TPCN1: variants seen among roughly 807,000 people sequenced by gnomAD.
The protein encoded by TPCN1 is two pore segment channel 1, also known as two pore channel protein 1.
A neutral mutation model predicts 108.8 loss-of-function variants in TPCN1; 52 were observed. The ratio of observed to expected loss-of-function variants is 0.48; its 90% confidence interval spans 0.38 to 0.60. The LOEUF (loss-of-function observed/expected upper bound fraction) is 0.60. TPCN1 is among the 20% of genes least tolerant of loss of function. The pLI is 0.00. For synonymous variants in TPCN1, 446 were observed against 433.7 expected, an observed-to-expected ratio of 1.03 and a Z score of -0.35; for missense variants, 806 against 1,072.8, an observed-to-expected ratio of 0.75 and a Z score of 3.47.
intron 17 of TPCN1, 114 bp from the exon 18 acceptor site, chr12:113,285,775 G>A: frequency 2.2e-6 from 2 of 909,648 alleles, no homozygotes; most frequent in Non-Finnish European, 1.8e-6. Flanking sequence ...GGCTCAGCCT[G>A]GAGGGCTTAT....
intron 7 of TPCN1, among the ~76,000 whole-genome samples, chr12:113,271,835 A>G (rs1320231527): frequency 2.0e-5 from 3 of 152,210 alleles, no homozygotes; most frequent in Non-Finnish European, 4.4e-5. Flanking sequence ...CTGCTCACTC[A>G]GGAGGGCTTA....
intron 10 of TPCN1, among the ~76,000 whole-genome samples, chr12:113,274,371 C>G (rs544503583): frequency 5.3e-5 from 8 of 152,122 alleles, no homozygotes; most frequent in Admixed American, 3.3e-4. Flanking sequence ...TTGCTTGAAC[C>G]CAGGAGGTGG....
chr12:113,292,103 C>G, intron 25 of TPCN1, 145 bp downstream of exon 25: 1 of 689,496 alleles, frequency 1.5e-6, no homozygotes, highest in Non-Finnish European at 2.6e-6. Flanking sequence ...GCTTGTCTTT[C>G]TAGATCTTGT....
chr12:113,291,711 T>C, intron 24 of TPCN1, 34 bp downstream of exon 24: 1 of 1,607,568 alleles, frequency 6.2e-7, no homozygotes, highest in Non-Finnish European at 8.5e-7. Context: ...TCTTTGTCCT[T>C]CGTCTTCCAC....
intron 12 of TPCN1, 73 bp from the exon 13 acceptor site, chr12:113,278,116 G>A: frequency 7.4e-7 from 1 of 1,357,152 alleles, no homozygotes; most frequent in Non-Finnish European, 1.1e-6. Context: ...TCCATAGGCA[G>A]GCAAGTAAGA....
chr12:113,269,848 G>C lies in TPCN1; in HGVS notation c.748+3G>C, dbSNP rs1479770801. 1 of 1,613,704 alleles carries C rather than the reference G, an allele frequency of 6.2e-7. No homozygotes were observed. The highest frequency in any genetic ancestry group is 8.5e-7 in the Non-Finnish European group (1 of 1,179,950). ...CATGATCATCTTTGCCATCCTCGGT[G>C]AGTTCCCGCCTCTCAGGCCCAGGTG... On this transcript the variant is annotated splice_donor_region_variant and intron_variant, in intron 7 of 27. Coordinates refer to ENST00000335509, the MANE Select transcript of TPCN1 (RefSeq NM_017901.6). The surrounding 1 kb of genome is among the most constrained non-coding windows in gnomAD (Gnocchi z 5.0).
rs1408844650 is a variant in TPCN1, at chr12:113,298,459, A to ACAAT, written c.*2386_*2389dup. 1 of 152,300 alleles carries ACAAT rather than the reference A, an allele frequency of 6.6e-6. No homozygotes were observed. The highest frequency in any genetic ancestry group is 1.9e-4 in the East Asian group (1 of 5,200). The allele number at this position is 152,300 out of a possible 1,614,324, so 9.4% of individuals were successfully genotyped here. ...GCCCCAGCCTTACTCCACCATGCGG[A>ACAAT]CAATCATTTTGTACGGATCACGGGA... On this transcript the variant is annotated 3_prime_UTR_variant, in exon 28 of 28. Coordinates refer to ENST00000335509, the MANE Select transcript of TPCN1 (RefSeq NM_017901.6).
intron 14 of TPCN1, among the ~76,000 whole-genome samples, chr12:113,279,047 C>T (rs1464451066): frequency 2.0e-5 from 3 of 151,726 alleles, no homozygotes; most frequent in Middle Eastern, 3.4e-3. Flanking sequence ...CTTAACCCAA[C>T]CAAAATGGGT....
chr12:113,269,327 A>G lies in TPCN1; in HGVS notation c.660-430A>G, dbSNP rs1434041069. 6.6e-6 allele frequency among the ~76,000 whole-genome samples: 1 copy of G among 152,200 alleles called. No homozygotes were observed. The highest frequency in any genetic ancestry group is 1.5e-5 in the Non-Finnish European group (1 of 68,034). On this transcript the variant is annotated intron_variant, in intron 6 of 27. Transcript: ENST00000335509. The surrounding 1 kb of genome is among the most constrained non-coding windows in gnomAD (Gnocchi z 5.0). ...GTTGCTGAGAGTGGGTTTGCAATTCATTCTCTGTGCCCATCTGCAAAGCTA... is the reference window on the plus strand; with the variant it reads ...GTTGCTGAGAGTGGGTTTGCAATTCGTTCTCTGTGCCCATCTGCAAAGCTA...
At position 113,288,795 on chromosome 12, in the gene TPCN1, G is replaced by C. The variant is rs147435178; in HGVS notation, c.1744G>C (p.Ala582Pro). 4 of 1,613,294 alleles carry C rather than the reference G, an allele frequency of 2.5e-6. No individual in the cohort carries two copies. The South Asian group carries it at 4.4e-5, about 18-fold the overall frequency. ...LTLLIFYYSF[A>P]IVGMEFFCGI... is the part of the protein sequence containing the mutation. ...CCTGCTCATCTTTTACTACTCCTTC[G>C]CCATCGTGGGCATGGAGTTCTTCTG... The change falls in exon 21 of 28, where the codon GCC (alanine) becomes CCC (proline). Residue 582 changes from alanine to proline, a missense_variant. Physicochemically the swap from Ala to Pro is conservative, Grantham distance 27 (BLOSUM62 -1). Coordinates refer to ENST00000335509, the MANE Select transcript of TPCN1 (RefSeq NM_017901.6). This position sits in a 1 kb window ranked among gnomAD's most constrained non-coding sequence, Gnocchi z 4.8.
Position 113,289,166 on chromosome 12 carries a change from G to A in TPCN1, c.1796+319G>A, listed in dbSNP as rs1956187522. ...TTCCTCCCACTTCTCTCCTGGAGTG[G>A]CTGGGGACCTGGGCCAAGACCAGTC... On this transcript the variant is annotated intron_variant, in intron 21 of 27. Transcript: ENST00000335509. This position sits in a 1 kb window ranked among gnomAD's most constrained non-coding sequence, Gnocchi z 4.1. Among the ~76,000 whole-genome samples the A allele has an allele frequency of 6.6e-6, 1 of 152,228 alleles. No individual in the cohort carries two copies. The highest frequency in any genetic ancestry group is 2.4e-5 in the African/African-American group (1 of 41,462).
chr12:113,271,607 A>G lies in TPCN1; in HGVS notation c.749-1051A>G, dbSNP rs569480806. 5.3e-5 allele frequency among the ~76,000 whole-genome samples: 8 copies of G among 152,364 alleles called. No individual in the cohort carries two copies. The South Asian group carries it at 1.2e-3, about 24-fold the overall frequency. The stretch of plus-strand genomic sequence containing the variant: ...TTTTGAAATTTATTCCTGTTGATAC[A>G]TGTAGATGCTGTTTATTCATTTTCA... On this transcript the variant is annotated intron_variant, in intron 7 of 27. Coordinates refer to ENST00000335509, the MANE Select transcript of TPCN1 (RefSeq NM_017901.6).
In TPCN1 at chr12:113,279,391, A is replaced by ATTTTTTTTTTTTT. The variant is rs60898872; in HGVS notation, c.1297+570_1297+582dup. ...TATATATATATATATATATATATAT[A>ATTTTTTTTTTTTT]TTTTTTTTTTTTTTTTTTTTTTTTT... On this transcript the variant is annotated intron_variant, in intron 14 of 27. Transcript: ENST00000335509. Among the ~76,000 whole-genome samples the ATTTTTTTTTTTTT allele has an allele frequency of 3.8e-4, 4 of 10,488 alleles. 1 individual carries two copies. The highest frequency in any genetic ancestry group is 2.5e-3 in the Admixed American group (1 of 402). 6.9% of individuals were successfully genotyped at this position (10,488 alleles called of 152,430 possible). A position where few individuals can be genotyped will look rare whatever the true frequency, so the allele number is the denominator to read the frequency against.
chr12:113,290,872 G>C (rs1956244483), intron 22 of TPCN1, 80 bp from the exon 23 acceptor site: 2 of 1,353,216 alleles, frequency 1.5e-6, no homozygotes, highest in African/African-American at 1.4e-5. Flanking sequence ...TGGCACCCAG[G>C]ATAGGTGGCA....
At chr12:113,238,063 C>T (rs148414422) in intron 2 of TPCN1, among the ~76,000 whole-genome samples, 20 of 152,292 alleles carry the variant, frequency 1.3e-4, no homozygotes, top group African/African-American at 4.6e-4. Context: ...AGTTCTTAGT[C>T]TGTTCAGATG....
At chr12:113,276,386 T>C (rs1955674069) in intron 10 of TPCN1, among the ~76,000 whole-genome samples, 1 of 152,206 alleles carries the variant, frequency 6.6e-6, no homozygotes, top group Non-Finnish European at 1.5e-5. Flanking sequence ...TTTCCTTGCA[T>C]GCAGAGCCTC....
At chr12:113,261,509 A>AC (rs1955035548) in intron 3 of TPCN1, among the ~76,000 whole-genome samples, 1 of 146,468 alleles carries the variant, frequency 6.8e-6, no homozygotes, top group Non-Finnish European at 1.5e-5. Context: ...GCTCAGTGCA[A>AC]CCTCTGCCTC....
At chr12:113,293,497 G>C (rs1956334668) in intron 27 of TPCN1, 148 bp downstream of exon 27, 1 of 792,956 alleles carries the variant, frequency 1.3e-6, no homozygotes, top group African/African-American at 1.7e-5. Context: ...GGGTTGTGTG[G>C]GACCTGAGCG....
chr12:113,256,929 A>G (rs1442163394), intron 2 of TPCN1, among the ~76,000 whole-genome samples: 1 of 152,218 alleles, frequency 6.6e-6, no homozygotes, highest in Non-Finnish European at 1.5e-5. Context: ...TGACCTTTGA[A>G]AGGCACTGTT....
Sources: gnomAD v4.1 joint callset for allele counts (sites outside exome capture counted in the v4.1 genomes callset) on GRCh38, gnomAD v4.1.1 for gene constraint, Gnocchi (gnomAD v3.1) non-coding constraint, MANE v1.5 for transcripts, NCBI Gene and HGNC (gene_info 2026-07-23, HGNC 2026-07-21) for gene names.